LZTS1: variants seen among roughly 807,000 people sequenced by gnomAD.
LZTS1 encodes leucine zipper tumor suppressor 1, also known as leucine zipper putative tumor suppressor 1.
Under a neutral mutation model 45.8 loss-of-function variants are expected in LZTS1, and 31 were observed. The observed-to-expected ratio is 0.68, with a 90% CI of 0.51 to 0.91. The LOEUF is 0.91. Among genes scored for constraint, LZTS1 ranks in the 40% least tolerant of loss-of-function variants. The pLI is 0.00. For missense variants in LZTS1, 821 were observed against 788.9 expected, an observed-to-expected ratio of 1.04 and a Z score of -0.49; for synonymous variants, 359 against 357.3, an observed-to-expected ratio of 1.00 and a Z score of -0.05.
chr8:20,274,442 G>A (rs777969838), intron 1 of LZTS1, among the ~76,000 whole-genome samples: 9 of 152,074 alleles, frequency 5.9e-5, no homozygotes, highest in Admixed American at 3.9e-4. Flanking sequence ...GGAGCATAGC[G>A]GCAATCATCT....
chr8:20,296,309 A>G (rs1204185012), intron 1 of LZTS1, among the ~76,000 whole-genome samples: 1 of 152,146 alleles, frequency 6.6e-6, no homozygotes, highest in African/African-American at 2.4e-5. Flanking sequence ...TTTGAGAACA[A>G]TGCCCACTCC....
chr8:20,280,614 C>A (rs1800670170), intron 1 of LZTS1, among the ~76,000 whole-genome samples: 1 of 152,146 alleles, frequency 6.6e-6, no homozygotes, highest in Non-Finnish European at 1.5e-5. Flanking sequence ...CCTTTAATAG[C>A]TGGGGAGTCG....
chr8:20,255,039 T>C lies in LZTS1; in HGVS notation c.143A>G (p.Gln48Arg). The C allele has an allele frequency of 6.2e-7, 1 of 1,614,196 alleles. No individual in the cohort carries two copies. The highest frequency in any genetic ancestry group is 1.1e-5 in the South Asian group (1 of 91,082). The part of the protein sequence containing the change: ...SDGLLRFGFS[Q>R]DSGHGKSSSK... ...GCTGGACTTGCCGTGACCGGAGTCC[T>C]GGGAGAAGCCAAACCTCAGCAGCCC... Residue 48 changes from glutamine (Q) to arginine (R), a missense_variant, in exon 2 of 4, where the codon CAG becomes CGG. By Grantham distance (43) the Gln-to-Arg change is conservative. Transcript: ENST00000381569.
intron 1 of LZTS1, among the ~76,000 whole-genome samples, chr8:20,278,916 A>AGATC (rs1191068814): frequency 6.6e-6 from 1 of 152,170 alleles, no homozygotes; most frequent in African/African-American, 2.4e-5. Context: ...CCTGCAGTAC[A>AGATC]TTCATGACCC....
chr8:20,275,390 G>T (rs551675867), intron 1 of LZTS1, among the ~76,000 whole-genome samples: 20 of 136,524 alleles, frequency 1.5e-4, no homozygotes, highest in African/African-American at 5.2e-4. Flanking sequence ...GGGCAACAGA[G>T]TAAGACTTCA....
intron 1 of LZTS1, among the ~76,000 whole-genome samples, chr8:20,265,815 G>A (rs577575584): frequency 1.3e-5 from 2 of 152,058 alleles, no homozygotes; most frequent in South Asian, 4.2e-4. Context: ...TGCGCAGAGG[G>A]CAGGAAGTTC....
At chr8:20,269,088 C>T (rs1057126873) in intron 1 of LZTS1, among the ~76,000 whole-genome samples, 1 of 152,296 alleles carries the variant, frequency 6.6e-6, no homozygotes, top group South Asian at 2.1e-4. Flanking sequence ...CTGCCCTTCC[C>T]CCTTCCAAAA....
At position 20,250,336 on chromosome 8, in the gene LZTS1, G is replaced by T. The variant is rs553472523; in HGVS notation, c.1177C>A (p.Leu393Ile). The T allele has an allele frequency of 5.6e-6, 9 of 1,608,036 alleles. No homozygotes were observed. The South Asian group carries it at 9.9e-5, about 18-fold the overall frequency. The stretch of plus-strand genomic sequence containing the variant: ...GACTCCTTCAGCTGCTGCTTCAGGA[G>T]GGAGATCTCGCCTGACTTCTGGCAC... Reference protein sequence around the residue: ...EVCQKSGEISLLKQQLKESQT... With the variant: ...EVCQKSGEISILKQQLKESQT... The change falls in exon 4 of 4, where the codon CTC becomes ATC. Residue 393 changes from leucine to isoleucine, a missense_variant. Physicochemically the swap from Leu to Ile is conservative, Grantham distance 5. Coordinates refer to ENST00000381569, the MANE Select transcript of LZTS1 (RefSeq NM_021020.5).
chr8:20,279,171 G>A (rs7817888), intron 1 of LZTS1, among the ~76,000 whole-genome samples: 2 of 152,160 alleles, frequency 1.3e-5, no homozygotes, highest in African/African-American at 2.4e-5. Context: ...TTTCTTTGCT[G>A]CCTTGTCTGT....
At chr8:20,288,163 C>T (rs1207788695) in intron 1 of LZTS1, among the ~76,000 whole-genome samples, 2 of 152,156 alleles carry the variant, frequency 1.3e-5, no homozygotes, top group Admixed American at 6.5e-5. Flanking sequence ...GTCAGCTCAG[C>T]CGAGCAGAGC....
At chr8:20,295,423 T>C (rs1269545398) in intron 1 of LZTS1, among the ~76,000 whole-genome samples, 1 of 152,238 alleles carries the variant, frequency 6.6e-6, no homozygotes. Context: ...CTTGCTTGCC[T>C]GGCTTTCCAA....
At chr8:20,271,286 G>A (rs1800470117) in intron 1 of LZTS1, among the ~76,000 whole-genome samples, 1 of 152,094 alleles carries the variant, frequency 6.6e-6, no homozygotes, top group Admixed American at 6.6e-5. Flanking sequence ...TTTAGCCCAG[G>A]AGCCGCTGAG....
chr8:20,259,881 A>ATTTTTT (rs1442786378), intron 1 of LZTS1, among the ~76,000 whole-genome samples: 4,382 of 152,098 alleles, frequency 0.029, 96 homozygotes, highest in South Asian at 0.057. Flanking sequence ...CACCTGTACT[A>ATTTTTT]ATCTTATTAT....
intron 1 of LZTS1, among the ~76,000 whole-genome samples, chr8:20,300,075 G>A (rs956998424): frequency 3.3e-5 from 5 of 152,246 alleles, no homozygotes; most frequent in East Asian, 3.9e-4. Flanking sequence ...GGGTGGGGGC[G>A]AGTGTTCCCT....
intron 1 of LZTS1, among the ~76,000 whole-genome samples, chr8:20,295,848 C>A (rs1362636838): frequency 6.6e-6 from 1 of 152,120 alleles, no homozygotes; most frequent in Non-Finnish European, 1.5e-5. Context: ...ACCCACTCAC[C>A]TATAATGCCC....
At chr8:20,251,017 G>C (rs1441498386) in intron 3 of LZTS1, among the ~76,000 whole-genome samples, 5 of 148,582 alleles carry the variant, frequency 3.4e-5, no homozygotes, top group African/African-American at 1.2e-4. Context: ...ACTATTAGTA[G>C]TCCTCAATTT....
intron 1 of LZTS1, among the ~76,000 whole-genome samples, chr8:20,282,140 G>A (rs1800705004): frequency 6.6e-6 from 1 of 152,162 alleles, no homozygotes; most frequent in African/African-American, 2.4e-5. Flanking sequence ...AGGGTCCACA[G>A]TCCTTTGACA....
chr8:20,293,769 C>CAAAA (rs1028923666), intron 1 of LZTS1, among the ~76,000 whole-genome samples: 3 of 151,942 alleles, frequency 2.0e-5, no homozygotes, highest in African/African-American at 7.3e-5. Context: ...CTCATCTCTA[C>CAAAA]AAAAAAATTT....
At chr8:20,250,722 C>G (rs983199807) in intron 3 of LZTS1, among the ~76,000 whole-genome samples, 2 of 151,994 alleles carry the variant, frequency 1.3e-5, no homozygotes, top group African/African-American at 4.8e-5. Context: ...CCTCAGCCTC[C>G]CAAGTAGCTG....
Sources: gnomAD v4.1 joint callset for allele counts (sites outside exome capture counted in the v4.1 genomes callset) on GRCh38, gnomAD v4.1.1 for gene constraint, MANE v1.5 for transcripts, NCBI Gene and HGNC (gene_info 2026-07-23, HGNC 2026-07-21) for gene names.